The following MTHFD2L variants were observed in gnomAD, a reference collection of about 807,000 sequenced individuals.
MTHFD2L encodes methylenetetrahydrofolate dehydrogenase (NADP+ dependent) 2 like.
A neutral mutation model predicts 34.9 loss-of-function variants in MTHFD2L; 29 were observed. The ratio of observed to expected loss-of-function variants is 0.83; its 90% CI spans 0.62 to 1.13. MTHFD2L has a LOEUF of 1.13. Among genes scored for constraint, MTHFD2L ranks in the 50% most tolerant of loss-of-function variants. The pLI, the probability that MTHFD2L is intolerant of heterozygous loss-of-function variation, is 0.00. For synonymous variants in MTHFD2L, 167 were observed against 155.7 expected (o/e 1.07, Z -0.54); for missense variants, 481 against 446.5 (o/e 1.08, Z -0.70).
chr4:74,223,889 G>T (rs1166070629), intron 5 of MTHFD2L, among the ~76,000 whole-genome samples: 2 of 152,054 alleles, frequency 1.3e-5, no homozygotes, highest in Admixed American at 1.3e-4. Flanking sequence ...CATCTATTAA[G>T]TTAATTAGTC....
intron 1 of MTHFD2L, among the ~76,000 whole-genome samples, chr4:74,135,153 G>T (rs1381257850): frequency 6.6e-6 from 1 of 151,966 alleles, no homozygotes; most frequent in African/African-American, 2.4e-5. Context: ...ACTAATGAAG[G>T]TATTTACTAA....
chr4:74,124,283 T>A (rs61370725), upstream of MTHFD2L, among the ~76,000 whole-genome samples: 1,455 of 151,352 alleles, frequency 9.6e-3, 9 homozygotes, highest in African/African-American at 0.015. Context: ...AGTTTTTTTT[T>A]AAAAAAAATA....
intron 4 of MTHFD2L, 35 bp downstream of exon 4, chr4:74,199,981 A>G (rs757132371): frequency 6.2e-7 from 1 of 1,611,064 alleles, no homozygotes; most frequent in South Asian, 1.1e-5. Context: ...CATGGATGCT[A>G]GGTGCTGAGC....
At chr4:74,231,416 G>A (rs557252998) in intron 6 of MTHFD2L, among the ~76,000 whole-genome samples, 1 of 152,166 alleles carries the variant, frequency 6.6e-6, no homozygotes, top group South Asian at 2.1e-4. Flanking sequence ...ATGCAACCCG[G>A]GAGTACAACT....
chr4:74,263,710 GC>G (rs1225358706), intron 6 of MTHFD2L, among the ~76,000 whole-genome samples: 2 of 151,898 alleles, frequency 1.3e-5, no homozygotes, highest in African/African-American at 4.8e-5. Context: ...TTGTTTTTCA[GC>G]TTAATAAGCT....
At chr4:74,266,672 G>A (rs573439892) in intron 6 of MTHFD2L, among the ~76,000 whole-genome samples, 1 of 152,034 alleles carries the variant, frequency 6.6e-6, no homozygotes, top group African/African-American at 2.4e-5. Context: ...CCATTTTCTT[G>A]TTTGAGTCTC....
At chr4:74,218,269 T>C (rs1298651080) in intron 5 of MTHFD2L, among the ~76,000 whole-genome samples, 2 of 152,160 alleles carry the variant, frequency 1.3e-5, no homozygotes, top group Non-Finnish European at 2.9e-5. Context: ...GTGATGGCTG[T>C]AGAGTTGCAT....
intron 6 of MTHFD2L, among the ~76,000 whole-genome samples, chr4:74,234,795 C>CGTGTG (rs576512591): frequency 2.6e-4 from 29 of 113,662 alleles, no homozygotes; most frequent in African/African-American, 1.3e-3. Context: ...GAAAAGGAGA[C>CGTGTG]AGTGTGTGTG....
At chr4:74,157,516 C>G (rs1210394741), upstream of MTHFD2L, 2 of 384,354 alleles carry the variant, frequency 5.2e-6, no homozygotes, top group Non-Finnish European at 1.0e-5. Context: ...TTGATCATAA[C>G]TCAGGAAAAG....
intron 3 of MTHFD2L, among the ~76,000 whole-genome samples, chr4:74,197,748 C>T (rs1210527375): frequency 6.6e-6 from 1 of 152,062 alleles, no homozygotes; most frequent in Non-Finnish European, 1.5e-5. Flanking sequence ...CTTTTATCCC[C>T]AGTAACTATG....
intron 7 of MTHFD2L, among the ~76,000 whole-genome samples, chr4:74,293,184 A>G (rs1311092462): frequency 6.6e-6 from 1 of 151,994 alleles, no homozygotes; most frequent in Admixed American, 6.6e-5. Context: ...TCCTAATGCT[A>G]TTCCTTCCCT....
intron 3 of MTHFD2L, chr4:74,195,003 T>A (rs1017086802): frequency 1.3e-5 from 2 of 152,216 alleles, no homozygotes. Context: ...CTTTTAACAG[T>A]GAGAATGTGG....
At chr4:74,139,897 T>A (rs1031992626) in intron 1 of MTHFD2L, among the ~76,000 whole-genome samples, 11 of 152,228 alleles carry the variant, frequency 7.2e-5, no homozygotes, top group African/African-American at 2.7e-4. Context: ...TTTCTCAGAA[T>A]TTTGGCTATA....
rs116041162 is a variant in MTHFD2L at position 74,268,713 on chromosome 4, T to C, written c.806-12712T>C. Among the ~76,000 whole-genome samples, 578 of 152,318 alleles carry C rather than the reference T, an allele frequency of 3.8e-3. 5 individuals carry two copies. The highest frequency in any genetic ancestry group is 0.013 in the African/African-American group (549 of 41,568). ...GTATCCATAGGGAAGTGATTAATTT[T>C]TTTTAATTCATGTAAACTCAATTCT... is the stretch of plus-strand genomic sequence containing the variant. On this transcript the variant is annotated intron_variant, in intron 6 of 7. Transcript: ENST00000325278.
At chr4:74,277,418 G>C (rs532109852) in intron 6 of MTHFD2L, among the ~76,000 whole-genome samples, 101 of 152,042 alleles carry the variant, frequency 6.6e-4, no homozygotes, top group African/African-American at 2.4e-3. Flanking sequence ...ATCTCAAGAT[G>C]CCCCATTGTA....
chr4:74,185,993 T>G (rs1414522033), intron 3 of MTHFD2L, among the ~76,000 whole-genome samples: 1 of 152,098 alleles, frequency 6.6e-6, no homozygotes, highest in Non-Finnish European at 1.5e-5. Context: ...AACAAAACAT[T>G]AACAAATCAA....
intron 6 of MTHFD2L, among the ~76,000 whole-genome samples, chr4:74,279,154 C>T (rs1216870496): frequency 1.3e-5 from 2 of 152,022 alleles, no homozygotes; most frequent in African/African-American, 4.8e-5. Flanking sequence ...GGAATGAATA[C>T]ATTTTTATGG....
upstream of MTHFD2L, among the ~76,000 whole-genome samples, chr4:74,155,500 G>A (rs1208402381): frequency 6.6e-6 from 1 of 152,098 alleles, no homozygotes; most frequent in Admixed American, 6.5e-5. Context: ...AAATTTGGAA[G>A]ATATAAAATA....
intron 7 of MTHFD2L, among the ~76,000 whole-genome samples, chr4:74,297,041 A>G (rs1749716894): frequency 6.6e-6 from 1 of 152,094 alleles, no homozygotes; most frequent in African/African-American, 2.4e-5. Context: ...ATTTTTGTAC[A>G]ACTGAACACA....
Sources: gnomAD v4.1 joint callset for allele counts (sites outside exome capture counted in the v4.1 genomes callset) on GRCh38, gnomAD v4.1.1 for gene constraint, MANE v1.5 for transcripts, NCBI Gene and HGNC (gene_info 2026-07-23, HGNC 2026-07-21) for gene names.